Variants in LYPD1 observed in about 807,000 individuals in gnomAD.
The protein encoded by LYPD1 is ly6/PLAUR domain-containing protein 1.
In LYPD1, 14 loss-of-function variants were observed where a neutral mutation model predicts 14.2. That is an observed-to-expected ratio of 0.99 (90% CI 0.65 to 1.54). The LOEUF is 1.54. Ranked by LOEUF, LYPD1 falls within the 40% of genes most tolerant of loss-of-function variation. LYPD1 has a pLI of 0.00. For synonymous variants in LYPD1, 85 were observed against 70.6 expected, an observed-to-expected ratio of 1.20 and a Z score of -1.02; for missense variants, 165 against 175.7, an observed-to-expected ratio of 0.94 and a Z score of 0.34.
chr2:132,646,002 G>T lies in LYPD1; in HGVS notation c.*43C>A. The stretch of plus-strand genomic sequence containing the variant: ...AGGGAGGTGGGGGGTTGGGGGCGAG[G>T]GCTGGAAGAACAATGCAGGAGGGGG... On this transcript the variant is annotated 3_prime_UTR_variant, in exon 3 of 3. Coordinates refer to ENST00000397463, the MANE Select transcript of LYPD1 (RefSeq NM_144586.7). 7.0e-7 allele frequency: 1 copy of T among 1,435,064 alleles called. No homozygotes were observed. Among genetic ancestry groups the T allele is most frequent in the Non-Finnish European group, 9.4e-7 (1 of 1,068,436 alleles). 88.9% of individuals were successfully genotyped at this position (1,435,064 alleles called of 1,614,324 possible). A position where few individuals can be genotyped will look rare whatever the true frequency, so the allele number is the denominator to read the frequency against.
chr2:132,650,623 C>A (rs772947920), intron 2 of LYPD1, among the ~76,000 whole-genome samples: 1 of 151,838 alleles, frequency 6.6e-6, no homozygotes, highest in Non-Finnish European at 1.5e-5. Flanking sequence ...TTCCACAAAG[C>A]CATAGAAGAT....
intron 2 of LYPD1, among the ~76,000 whole-genome samples, chr2:132,663,733 G>A (rs896621291): frequency 2.0e-5 from 3 of 152,162 alleles, no homozygotes; most frequent in East Asian, 3.9e-4. Context: ...CTGCAGATGG[G>A]ATGTCTAAAA....
At chr2:132,652,993 C>T (rs999079655) in intron 2 of LYPD1, among the ~76,000 whole-genome samples, 5 of 152,128 alleles carry the variant, frequency 3.3e-5, no homozygotes, top group African/African-American at 7.2e-5. Flanking sequence ...GTACCTATTC[C>T]CTGGGACCCA....
chr2:132,653,848 G>T (rs1008759227), intron 2 of LYPD1, among the ~76,000 whole-genome samples: 2 of 152,176 alleles, frequency 1.3e-5, no homozygotes, highest in Non-Finnish European at 2.9e-5. Flanking sequence ...ACCTCTATCT[G>T]TTCATGAGAA....
Position 132,645,341 on chromosome 2 carries a change from A to C in LYPD1, c.*704T>G, listed in dbSNP as rs780426008. 1.7e-4 allele frequency: 280 copies of C among 1,614,042 alleles called. No individual in the cohort carries two copies. Among genetic ancestry groups the C allele is most frequent in the Non-Finnish European group, 2.3e-4 (276 of 1,180,044 alleles). ...GTGCTGTGCTGCCGCCTGTCGCTGC[A>C]GCACGCCAACCACGAGAAGCGCCTG... is the stretch of plus-strand genomic sequence containing the variant. On this transcript the variant is annotated 3_prime_UTR_variant, in exon 3 of 3. Transcript: ENST00000397463.
Position 132,670,140 on chromosome 2 carries a change from T to G in LYPD1, c.-208A>C. On this transcript the variant is annotated 5_prime_UTR_variant, in exon 1 of 3. Coordinates refer to ENST00000397463, the MANE Select transcript of LYPD1 (RefSeq NM_144586.7). The surrounding 1 kb of genome is among the most constrained non-coding windows in gnomAD (Gnocchi z 4.5). ...GCTCGGGCTCCCGGCTGCGGGTCTC[T>G]GCTCCTCCCGCTCGCGCTCCCGGGC... 1 of 1,381,698 alleles carries G rather than the reference T, an allele frequency of 7.2e-7. No homozygotes were observed. The highest frequency in any genetic ancestry group is 1.5e-5 in the African/African-American group (1 of 64,944). The allele number at this position is 1,381,698 out of a possible 1,614,324, so 85.6% of individuals were successfully genotyped here.
At chr2:132,647,117 G>C (rs1682139380) in intron 2 of LYPD1, among the ~76,000 whole-genome samples, 1 of 152,154 alleles carries the variant, frequency 6.6e-6, no homozygotes, top group Non-Finnish European at 1.5e-5. Flanking sequence ...GGGCTTCCCT[G>C]TCTGTCTCCC....
At chr2:132,650,723 A>G (rs1682329532) in intron 2 of LYPD1, among the ~76,000 whole-genome samples, 1 of 103,562 alleles carries the variant, frequency 9.7e-6, no homozygotes, top group Non-Finnish European at 2.0e-5. Context: ...TTTAAAAAAA[A>G]AAAACAAAAA....
chr2:132,647,241 T>C (rs1351130918), intron 2 of LYPD1, among the ~76,000 whole-genome samples: 1 of 152,148 alleles, frequency 6.6e-6, no homozygotes, highest in Non-Finnish European at 1.5e-5. Flanking sequence ...CAGGGCTAGA[T>C]TTAGTAACTT....
intron 2 of LYPD1, among the ~76,000 whole-genome samples, chr2:132,660,024 C>T (rs376155919): frequency 6.6e-5 from 10 of 152,346 alleles, no homozygotes; most frequent in Admixed American, 1.3e-4. Context: ...ATATTCAACC[C>T]GTGTGCAGTA....
intron 2 of LYPD1, among the ~76,000 whole-genome samples, chr2:132,648,389 CTGTCATCAGTG>C (rs1449238337): frequency 6.6e-6 from 1 of 152,260 alleles, no homozygotes; most frequent in Non-Finnish European, 1.5e-5. Flanking sequence ...GAGGCAGATG[CTGTCATCAGTG>C]TGGCATGCCT....
chr2:132,653,654 CAAGTT>C (rs1682437587), intron 2 of LYPD1, among the ~76,000 whole-genome samples: 1 of 152,162 alleles, frequency 6.6e-6, no homozygotes, highest in South Asian at 2.1e-4. Flanking sequence ...GTATCTCCCT[CAAGTT>C]ATTTATTAAT....
chr2:132,651,812 C>A (rs74628214), intron 2 of LYPD1, among the ~76,000 whole-genome samples: 2 of 152,170 alleles, frequency 1.3e-5, no homozygotes, highest in Non-Finnish European at 2.9e-5. Flanking sequence ...CATGTAAGTG[C>A]GTGAGTTGCC....
At chr2:132,659,368 G>T (rs13426941) in intron 2 of LYPD1, among the ~76,000 whole-genome samples, 8,614 of 152,204 alleles carry the variant, frequency 0.057, 810 homozygotes, top group African/African-American at 0.2. Flanking sequence ...GAGAGAGAGA[G>T]CATGAGAGAG....
chr2:132,646,338 C>A, intron 2 of LYPD1, 58 bp from the exon 3 acceptor site: 1 of 1,214,012 alleles, frequency 8.2e-7, no homozygotes, highest in South Asian at 2.1e-5. Flanking sequence ...AATAGCTGTC[C>A]CTCTCAGCCC....
rs777909907 is a variant in LYPD1 at position 132,645,402 on chromosome 2, C to T, written c.*643G>A. 1 of 1,613,702 alleles carries T rather than the reference C, an allele frequency of 6.2e-7. No homozygotes were observed. The highest frequency in any genetic ancestry group is 8.5e-7 in the Non-Finnish European group (1 of 1,180,022). ...CGCACTCCACCACCGACAGCGCCCG[C>T]TTTGTGCAGCGCCCGTTGCTCTTCG... On this transcript the variant is annotated 3_prime_UTR_variant, in exon 3 of 3. Coordinates refer to ENST00000397463, the MANE Select transcript of LYPD1 (RefSeq NM_144586.7).
chr2:132,645,535 C>G lies in LYPD1; in HGVS notation c.*510G>C. 6.2e-7 allele frequency: 1 copy of G among 1,614,162 alleles called. No individual in the cohort carries two copies. The highest frequency in any genetic ancestry group is 8.5e-7 in the Non-Finnish European group (1 of 1,180,024). The stretch of plus-strand genomic sequence containing the variant: ...GTCCCAGTCATTGAGTCTCGAGTCA[C>G]TAGAGCCCAACTCAGGCGCGAAACC... On this transcript the variant is annotated 3_prime_UTR_variant, in exon 3 of 3. Transcript: ENST00000397463.
Position 132,645,820 on chromosome 2 carries a change from T to C in LYPD1, c.*225A>G. The C allele has an allele frequency of 1.5e-6, 1 of 686,670 alleles. No individual in the cohort carries two copies. The highest frequency in any genetic ancestry group is 2.4e-6 in the Non-Finnish European group (1 of 420,220). The allele number at this position is 686,670 out of a possible 1,614,324, so 42.5% of individuals were successfully genotyped here. Reference sequence around the variant, plus strand: ...CACAGACATGGGGGTGAACTTTCACTCCACCTCCTTCCTTCAAGTACATAC... The same window carrying C: ...CACAGACATGGGGGTGAACTTTCACCCCACCTCCTTCCTTCAAGTACATAC... On this transcript the variant is annotated 3_prime_UTR_variant, in exon 3 of 3. Transcript: ENST00000397463.
chr2:132,658,227 C>G (rs1682717366), intron 2 of LYPD1, among the ~76,000 whole-genome samples: 1 of 152,298 alleles, frequency 6.6e-6, no homozygotes, highest in African/African-American at 2.4e-5. Flanking sequence ...GATGACATCA[C>G]TGGGCTGTAG....
Sources: allele counts gnomAD v4.1 joint callset (sites outside exome capture counted in the v4.1 genomes callset), GRCh38; gene constraint gnomAD v4.1.1; non-coding constraint Gnocchi (gnomAD v3.1); transcripts MANE v1.5; gene names NCBI Gene and HGNC (gene_info 2026-07-23, HGNC 2026-07-21).